GSTO2: variants seen among roughly 807,000 people sequenced by gnomAD.
GSTO2 encodes glutathione S-transferase omega 2, also known as glutathione S-transferase omega-2.
A neutral mutation model predicts 28.4 loss-of-function variants in GSTO2; 23 were observed. That is an observed-to-expected ratio of 0.81 (90% CI 0.58 to 1.15). The LOEUF (loss-of-function observed/expected upper bound fraction) is 1.15. Ranked by LOEUF, GSTO2 falls within the 50% of genes most tolerant of loss-of-function variation. The pLI, the probability that GSTO2 is intolerant of heterozygous loss-of-function variation, is 0.00. For missense variants in GSTO2, 298 were observed against 297.8 expected (o/e 1.00, Z 0.00); for synonymous variants, 109 against 111.0 (o/e 0.98, Z 0.11).
intron 5 of GSTO2, among the ~76,000 whole-genome samples, chr10:104,293,563 A>ATTTTTTTTTTCTTTTTTTT (rs2012878484): frequency 1.2e-5 from 1 of 81,652 alleles, no homozygotes; most frequent in Non-Finnish European, 2.3e-5. Flanking sequence ...CGCCTGGCCA[A>ATTTTTTTTTTCTTTTTTTT]TTTTTTTTTT....
intron 6 of GSTO2, 122 bp downstream of exon 6, chr10:104,297,806 A>G (rs1162296112): frequency 1.5e-5 from 10 of 646,968 alleles, no homozygotes; most frequent in Non-Finnish European, 2.5e-5. Flanking sequence ...TCAGGTTTCT[A>G]AACCGCAGTG....
rs2013271482 is a variant in GSTO2 at position 104,301,952 on chromosome 10, G to A, written c.*2668G>A. On this transcript the variant is annotated 3_prime_UTR_variant, in exon 7 of 7. Transcript: ENST00000338595. ...GCCTGTATTAGGCCATTCTCATGGT[G>A]CTATAAAGAACTGCCCAAGACTGAG... 6.6e-6 allele frequency: 1 copy of A among 152,210 alleles called. No individual in the cohort carries two copies. The highest frequency in any genetic ancestry group is 1.5e-5 in the Non-Finnish European group (1 of 68,048). The allele number at this position is 152,210 out of a possible 1,614,324, so 9.4% of individuals were successfully genotyped here.
At chr10:104,299,096 C>CA (rs1276947014) in intron 6 of GSTO2, 32 bp from the exon 7 acceptor site, 1 of 1,598,876 alleles carries the variant, frequency 6.3e-7, no homozygotes, top group Non-Finnish European at 8.5e-7. Flanking sequence ...CCTACCCCTG[C>CA]ACTGTGCTGA....
intron 4 of GSTO2, among the ~76,000 whole-genome samples, chr10:104,278,577 G>A (rs1589860048): frequency 6.6e-6 from 1 of 152,202 alleles, no homozygotes; most frequent in African/African-American, 2.4e-5. Flanking sequence ...TGCCACCTGG[G>A]TTTAAGCAAT....
chr10:104,292,615 A>G (rs2012829381), intron 5 of GSTO2, among the ~76,000 whole-genome samples: 1 of 151,930 alleles, frequency 6.6e-6, no homozygotes, highest in Non-Finnish European at 1.5e-5. Flanking sequence ...GGCACAGACC[A>G]CAATGCCCAG....
At chr10:104,272,684 G>C (rs2011474153) in intron 1 of GSTO2, among the ~76,000 whole-genome samples, 1 of 132,532 alleles carries the variant, frequency 7.5e-6, no homozygotes, top group Admixed American at 9.1e-5. Context: ...CGCAGTCTCG[G>C]CTCACAGCAA....
chr10:104,280,782 C>T (rs1292676856), intron 5 of GSTO2, among the ~76,000 whole-genome samples: 1 of 152,178 alleles, frequency 6.6e-6, no homozygotes, highest in African/African-American at 2.4e-5. Context: ...CAATTTTTTT[C>T]CCCTTAAGGG....
At chr10:104,277,541 C>T (rs543744839) in intron 3 of GSTO2, among the ~76,000 whole-genome samples, 5 of 152,298 alleles carry the variant, frequency 3.3e-5, no homozygotes, top group African/African-American at 1.2e-4. Context: ...CCGCCCCAGC[C>T]TCCCAAAGTG....
At chr10:104,282,323 C>T (rs545488402) in intron 5 of GSTO2, among the ~76,000 whole-genome samples, 5 of 151,340 alleles carry the variant, frequency 3.3e-5, no homozygotes, top group East Asian at 1.9e-4. Context: ...GAAGCCAAGA[C>T]GGTAGGATCG....
chr10:104,291,359 C>G (rs981512792), intron 5 of GSTO2: 4 of 152,188 alleles, frequency 2.6e-5, no homozygotes, highest in African/African-American at 9.7e-5. Context: ...CTGGCCTCTT[C>G]AAGGTTTGAA....
At chr10:104,293,585 T>TTTTTTTTTTTTTTTTTTTTTTA (rs2012885593) in intron 5 of GSTO2, among the ~76,000 whole-genome samples, 1 of 145,446 alleles carries the variant, frequency 6.9e-6, no homozygotes, top group Non-Finnish European at 1.5e-5. Flanking sequence ...TTTTTTTTTT[T>TTTTTTTTTTTTTTTTTTTTTTA]GCGACAAGGT....
intron 5 of GSTO2, among the ~76,000 whole-genome samples, chr10:104,287,537 G>A (rs2012506378): frequency 6.6e-6 from 1 of 152,174 alleles, no homozygotes; most frequent in Non-Finnish European, 1.5e-5. Context: ...GTAAATCTAT[G>A]TGTACTGACA....
intron 3 of GSTO2, among the ~76,000 whole-genome samples, chr10:104,276,130 G>A (rs935852888): frequency 6.6e-6 from 1 of 152,228 alleles, no homozygotes; most frequent in Non-Finnish European, 1.5e-5. Context: ...TTGTCTCGGA[G>A]AGTCCATCAC....
intron 5 of GSTO2, among the ~76,000 whole-genome samples, chr10:104,288,084 G>T (rs1326737988): frequency 6.6e-6 from 1 of 151,900 alleles, no homozygotes; most frequent in Non-Finnish European, 1.5e-5. Context: ...TAGAGATGGG[G>T]TTTCACTGTG....
chr10:104,273,948 T>C (rs2011517056), intron 1 of GSTO2, among the ~76,000 whole-genome samples: 1 of 152,216 alleles, frequency 6.6e-6, no homozygotes, highest in African/African-American at 2.4e-5. Flanking sequence ...AAAATGCATT[T>C]ACAAGCAATT....
chr10:104,296,291 T>C (rs1452585085), intron 5 of GSTO2: 1 of 151,696 alleles, frequency 6.6e-6, no homozygotes, highest in African/African-American at 2.4e-5. Context: ...AAATGTGAAG[T>C]TTGAAAAGCT....
chr10:104,295,039 G>T (rs933704001), intron 5 of GSTO2: 1 of 150,560 alleles, frequency 6.6e-6, no homozygotes, highest in African/African-American at 2.4e-5. Flanking sequence ...GAGTCGCTTG[G>T]TGTAAATTTG....
intron 3 of GSTO2, among the ~76,000 whole-genome samples, chr10:104,277,607 G>A (rs1382573628): frequency 6.6e-6 from 1 of 152,078 alleles, no homozygotes; most frequent in African/African-American, 2.4e-5. Context: ...TTCTTAGTGG[G>A]TGGTATTGGG....
At position 104,275,308 on chromosome 10, in the gene GSTO2, C is replaced by T. The variant is rs752014949; in HGVS notation, c.117C>T (p.Arg39=). The T allele has an allele frequency of 6.2e-7, 1 of 1,614,082 alleles. No homozygotes were observed. Among genetic ancestry groups the T allele is most frequent in the East Asian group, 2.2e-5 (1 of 44,854 alleles). ...MRFCPYSHRT[R]LVLKAKDIRH... ...TCTGCCCCTATTCTCACAGGACCCGCCTCGTCCTCAAGGCCAAAGACATCA... is the reference window on the plus strand; with the variant it reads ...TCTGCCCCTATTCTCACAGGACCCGTCTCGTCCTCAAGGCCAAAGACATCA... Residue 39 remains arginine (R), a synonymous_variant, in exon 3 of 7, where the codon CGC becomes CGT. Transcript: ENST00000338595.
Sources: gnomAD v4.1 joint callset for allele counts (sites outside exome capture counted in the v4.1 genomes callset) on GRCh38, gnomAD v4.1.1 for gene constraint, MANE v1.5 for transcripts, NCBI Gene and HGNC (gene_info 2026-07-23, HGNC 2026-07-21) for gene names.